DERA: variants seen among roughly 807,000 people sequenced by gnomAD.
The protein encoded by DERA is deoxyribose-phosphate aldolase.
DERA carries 15 observed loss-of-function variants against 41.1 expected under a neutral mutation model. The ratio of observed to expected loss-of-function variants is 0.37; its 90% CI spans 0.24 to 0.56. The LOEUF (loss-of-function observed/expected upper bound fraction) is 0.56, where lower values mean the gene tolerates loss of function less well. Ranked by LOEUF, DERA falls within the 20% of genes least tolerant of loss-of-function variation. The pLI, the probability that DERA is intolerant of heterozygous loss-of-function variation, is 0.81. For missense variants in DERA, 396 were observed against 403.4 expected (o/e 0.98, Z 0.16); for synonymous variants, 139 against 137.4 (o/e 1.01, Z -0.08).
chr12:16,017,574 G>A lies in DERA; in HGVS notation c.638-14968G>A, dbSNP rs571277673. Among the ~76,000 whole-genome samples, 8 of 152,186 alleles carry A rather than the reference G, an allele frequency of 5.3e-5. No individual in the cohort carries two copies. The highest frequency in any genetic ancestry group is 1.3e-4 in the Admixed American group (2 of 15,276). On this transcript the variant is annotated intron_variant, in intron 6 of 8. Coordinates refer to ENST00000428559, the MANE Select transcript of DERA (RefSeq NM_015954.4). This position sits in a 1 kb window ranked among gnomAD's most constrained non-coding sequence, Gnocchi z 5.5. The stretch of plus-strand genomic sequence containing the variant: ...GGCTTTCTGCTTCCATATGTACTCT[G>A]GCCAGTGCTTCAACCGTAACACTGC...
intron 1 of DERA, among the ~76,000 whole-genome samples, chr12:15,944,128 T>C (rs868467306): frequency 4.6e-5 from 7 of 152,120 alleles, no homozygotes; most frequent in Middle Eastern, 3.2e-3. Context: ...CAGGGTATCA[T>C]TGATGGACAT....
At chr12:16,005,438 G>A (rs1463154022) in intron 6 of DERA, among the ~76,000 whole-genome samples, 1 of 151,840 alleles carries the variant, frequency 6.6e-6, no homozygotes, top group Non-Finnish European at 1.5e-5. Context: ...GTAACAGAGA[G>A]AAAAAAAATT....
Position 15,954,756 on chromosome 12 carries a change from G to T in DERA, c.32-2180G>T, listed in dbSNP as rs540260675. ...GGTGCCAGTGTTTCCAGTGGCGACA[G>T]TAGTGGTAGTGGTGCGTTGGGAGTA... On this transcript the variant is annotated intron_variant, in intron 1 of 8. Transcript: ENST00000428559. This position sits in a 1 kb window ranked among gnomAD's most constrained non-coding sequence, Gnocchi z 4.0. Among the ~76,000 whole-genome samples the T allele has an allele frequency of 1.2e-4, 18 of 152,174 alleles. No individual in the cohort carries two copies. The highest frequency in any genetic ancestry group is 2.0e-4 in the Admixed American group (3 of 15,278).
rs548156563 is a variant in DERA at position 15,980,698 on chromosome 12, C to G, written c.509-1610C>G. Among the ~76,000 whole-genome samples, 2 of 152,006 alleles carry G rather than the reference C, an allele frequency of 1.3e-5. 1 individual carries two copies. The highest frequency in any genetic ancestry group is 4.2e-4 in the South Asian group (2 of 4,806). ...ATCATCCCTAGTACTCAGAACTGCA[C>G]GTTATTAAGGATCTGTGAAAATAGT... On this transcript the variant is annotated intron_variant, in intron 5 of 8. Coordinates refer to ENST00000428559, the MANE Select transcript of DERA (RefSeq NM_015954.4).
chr12:15,952,124 C>G (rs925935938), intron 1 of DERA, among the ~76,000 whole-genome samples: 7 of 152,348 alleles, frequency 4.6e-5, no homozygotes, highest in East Asian at 1.9e-4. Context: ...TGGTCTCGAA[C>G]TCCTGACCTC....
At chr12:16,028,782 A>G (rs992401205) in intron 6 of DERA, among the ~76,000 whole-genome samples, 4 of 152,178 alleles carry the variant, frequency 2.6e-5, no homozygotes, top group Admixed American at 1.3e-4. Context: ...ACAAATCCCA[A>G]TTGAGGGAGG....
At chr12:15,955,296 G>GA (rs35293991) in intron 1 of DERA, among the ~76,000 whole-genome samples, 420 of 134,344 alleles carry the variant, frequency 3.1e-3, no homozygotes, top group Middle Eastern at 7.4e-3. Context: ...GACTGTGTCT[G>GA]AAAAAAAAAA....
At chr12:16,023,702 C>T (rs1949034408) in intron 6 of DERA, among the ~76,000 whole-genome samples, 1 of 151,912 alleles carries the variant, frequency 6.6e-6, no homozygotes, top group Non-Finnish European at 1.5e-5. Flanking sequence ...TGGTCTCGAT[C>T]TCCTGACCTC....
rs1948254546 is a variant in DERA at position 15,922,921 on chromosome 12, G to T, written c.31+11507G>T. Among the ~76,000 whole-genome samples the T allele has an allele frequency of 6.6e-6, 1 of 151,896 alleles. No individual in the cohort carries two copies. Among genetic ancestry groups the T allele is most frequent in the African/African-American group, 2.4e-5 (1 of 41,300 alleles). On this transcript the variant is annotated intron_variant, in intron 1 of 8. Transcript: ENST00000428559. This position sits in a 1 kb window ranked among gnomAD's most constrained non-coding sequence, Gnocchi z 4.9. Reference sequence around the variant, plus strand: ...GTTGATAATGGGGGAGGCTATGCATGTGTGGGGCAAAGCTTGTGTGGGAAA... The same window carrying T: ...GTTGATAATGGGGGAGGCTATGCATTTGTGGGGCAAAGCTTGTGTGGGAAA...
intron 1 of DERA, among the ~76,000 whole-genome samples, chr12:15,953,942 TG>T (rs1948518036): frequency 6.6e-6 from 1 of 152,132 alleles, no homozygotes; most frequent in African/African-American, 2.4e-5. Flanking sequence ...ACATTAAATA[TG>T]GGGCTGGATA....
chr12:16,030,755 G>A (rs896805088), intron 6 of DERA, among the ~76,000 whole-genome samples: 1 of 151,982 alleles, frequency 6.6e-6, no homozygotes, highest in African/African-American at 2.4e-5. Context: ...TTCTCTTCTA[G>A]AACACCTGCT....
chr12:15,962,690 G>A (rs1592021772), intron 4 of DERA, 123 bp from the exon 5 acceptor site: 1 of 700,662 alleles, frequency 1.4e-6, no homozygotes, highest in Non-Finnish European at 2.3e-6. Context: ...TGATGTTTGG[G>A]GGTTTGGAAT....
chr12:15,982,532 A>G lies in DERA; in HGVS notation c.637+96A>G. 7.4e-7 allele frequency: 1 copy of G among 1,346,270 alleles called. No homozygotes were observed. Among genetic ancestry groups the G allele is most frequent in the Non-Finnish European group, 1.0e-6 (1 of 999,360 alleles). 83.4% of individuals were successfully genotyped at this position (1,346,270 alleles called of 1,614,324 possible). ...GCATTTAGCTATTATTAAACGTGCT[A>G]ACCACTTGGAATTTTTTTGCGGGAG... On this transcript the variant is annotated intron_variant, in intron 6 of 8. Coordinates refer to ENST00000428559, the MANE Select transcript of DERA (RefSeq NM_015954.4). This position sits in a 1 kb window ranked among gnomAD's most constrained non-coding sequence, Gnocchi z 4.0.
intron 1 of DERA, among the ~76,000 whole-genome samples, chr12:15,923,012 T>A (rs1948255316): frequency 6.7e-6 from 1 of 148,814 alleles, no homozygotes; most frequent in African/African-American, 2.5e-5. Flanking sequence ...TGGTTTTTGT[T>A]TTTGCTTTTT....
In DERA at chr12:15,924,406, A is replaced by T. The variant is rs995597642; in HGVS notation, c.31+12992A>T. Among the ~76,000 whole-genome samples the T allele has an allele frequency of 6.6e-6, 1 of 152,258 alleles. No homozygotes were observed. The highest frequency in any genetic ancestry group is 1.5e-5 in the Non-Finnish European group (1 of 68,054). On this transcript the variant is annotated intron_variant, in intron 1 of 8. Coordinates refer to ENST00000428559, the MANE Select transcript of DERA (RefSeq NM_015954.4). The surrounding 1 kb of genome is among the most constrained non-coding windows in gnomAD (Gnocchi z 5.0). ...GCAATACCCTGTTTCTAAAATTAAAATGTATATATATAAAAGTTAAATAAT... is the reference window on the plus strand; with the variant it reads ...GCAATACCCTGTTTCTAAAATTAAATTGTATATATATAAAAGTTAAATAAT...
chr12:16,030,035 G>C (rs1949081524), intron 6 of DERA, among the ~76,000 whole-genome samples: 1 of 139,714 alleles, frequency 7.2e-6, no homozygotes, highest in South Asian at 2.3e-4. Context: ...CAGTTCTCTT[G>C]CCTCAGCCTC....
In DERA at chr12:15,932,438, C is replaced by T. The variant is rs113223989; in HGVS notation, c.31+21024C>T. Among the ~76,000 whole-genome samples the T allele has an allele frequency of 7.5e-3, 1,143 of 152,064 alleles. 23 individuals carry two copies. The highest frequency in any genetic ancestry group is 0.027 in the African/African-American group (1,111 of 41,466). On this transcript the variant is annotated intron_variant, in intron 1 of 8. Coordinates refer to ENST00000428559, the MANE Select transcript of DERA (RefSeq NM_015954.4). ...GTCGAGGAGGGAAGATCACTTGAGT[C>T]CAGGAGTTTGAGACTAGTCTGCACA...
At chr12:15,974,954 A>AT (rs1277651922) in intron 5 of DERA, among the ~76,000 whole-genome samples, 1 of 151,068 alleles carries the variant, frequency 6.6e-6, no homozygotes, top group East Asian at 1.9e-4. Flanking sequence ...GAACTCATTG[A>AT]TTCTTATTTT....
At position 15,954,138 on chromosome 12, in the gene DERA, C is replaced by G. The variant is rs1428778587; in HGVS notation, c.32-2798C>G. On this transcript the variant is annotated intron_variant, in intron 1 of 8. Transcript: ENST00000428559. The surrounding 1 kb of genome is among the most constrained non-coding windows in gnomAD (Gnocchi z 4.0). ...AAAATTGGTTTTTAAGGGGAAAGTT[C>G]CCAGGCATCCCATTCATACCTCAGT... Among the ~76,000 whole-genome samples the G allele has an allele frequency of 6.6e-6, 1 of 152,144 alleles. No individual in the cohort carries two copies. Among genetic ancestry groups the G allele is most frequent in the African/African-American group, 2.4e-5 (1 of 41,426 alleles).
Sources: gnomAD v4.1 joint callset for allele counts (sites outside exome capture counted in the v4.1 genomes callset) on GRCh38, gnomAD v4.1.1 for gene constraint, Gnocchi (gnomAD v3.1) non-coding constraint, MANE v1.5 for transcripts, NCBI Gene and HGNC (gene_info 2026-07-23, HGNC 2026-07-21) for gene names.